ZNF385D: variants seen among roughly 807,000 people sequenced by gnomAD.
The protein encoded by ZNF385D is zinc finger protein 659.
ZNF385D carries 15 observed loss-of-function variants against 35.8 expected under a neutral mutation model. The ratio of observed to expected loss-of-function variants is 0.42; its 90% CI spans 0.28 to 0.64. The LOEUF (loss-of-function observed/expected upper bound fraction) is 0.64, where lower values mean the gene tolerates loss of function less well. Among genes scored for constraint, ZNF385D ranks in the 30% least tolerant of loss-of-function variants. ZNF385D has a pLI of 0.23. For synonymous variants in ZNF385D, 212 were observed against 186.8 expected, an observed-to-expected ratio of 1.13 and a Z score of -1.10; for missense variants, 474 against 494.6, an observed-to-expected ratio of 0.96 and a Z score of 0.39.
chr3:21,823,858 C>A (rs1390140305), intron 3 of ZNF385D, among the ~76,000 whole-genome samples: 1 of 152,178 alleles, frequency 6.6e-6, no homozygotes, highest in Non-Finnish European at 1.5e-5. Flanking sequence ...CCAAGGAGTT[C>A]CCATTGCTTA....
intron 1 of ZNF385D, among the ~76,000 whole-genome samples, chr3:21,719,730 G>A (rs1441842519): frequency 6.6e-6 from 1 of 151,894 alleles, no homozygotes; most frequent in Non-Finnish European, 1.5e-5. Flanking sequence ...CAGCCCGACT[G>A]GAACTCTCTC....
At chr3:21,561,349 G>T (rs116117509) in intron 3 of ZNF385D, among the ~76,000 whole-genome samples, 4 of 152,126 alleles carry the variant, frequency 2.6e-5, no homozygotes, top group African/African-American at 9.7e-5. Context: ...GGGCTGGAGC[G>T]CACAATTCCT....
chr3:22,063,214 T>C (rs1469897845), intron 3 of ZNF385D, among the ~76,000 whole-genome samples: 1 of 152,184 alleles, frequency 6.6e-6, no homozygotes, highest in Non-Finnish European at 1.5e-5. Context: ...AATGGGAATA[T>C]TATCTATTTC....
At chr3:21,942,983 C>T (rs889549447) in intron 3 of ZNF385D, among the ~76,000 whole-genome samples, 2 of 152,136 alleles carry the variant, frequency 1.3e-5, no homozygotes, top group African/African-American at 4.8e-5. Context: ...ACACTGGAAT[C>T]TTCATGACAA....
chr3:22,344,177 GGTGT>G (rs571896117), intron 2 of ZNF385D, among the ~76,000 whole-genome samples: 67 of 140,828 alleles, frequency 4.8e-4, no homozygotes, highest in South Asian at 3.9e-3. Context: ...GGTGGGGTGG[GGTGT>G]GTGTGTGTGT....
At chr3:22,243,027 G>A (rs1158673005) in intron 2 of ZNF385D, among the ~76,000 whole-genome samples, 1 of 150,962 alleles carries the variant, frequency 6.6e-6, no homozygotes, top group South Asian at 2.2e-4. Flanking sequence ...AAATAACACA[G>A]TAGATAAATT....
chr3:22,262,572 G>C (rs944058322), intron 2 of ZNF385D, among the ~76,000 whole-genome samples: 1 of 151,368 alleles, frequency 6.6e-6, no homozygotes, highest in Non-Finnish European at 1.5e-5. Flanking sequence ...GTTTCATGTC[G>C]TCCAGTCTTA....
chr3:21,790,176 C>G (rs17009592), intron 3 of ZNF385D, among the ~76,000 whole-genome samples: 8,380 of 151,978 alleles, frequency 0.055, 505 homozygotes, highest in East Asian at 0.32. Context: ...AGGAAGAAGT[C>G]TCGGGGGACA....
chr3:21,681,316 A>AAAAAAAAAC (rs1553636421), intron 1 of ZNF385D, among the ~76,000 whole-genome samples: 5 of 141,676 alleles, frequency 3.5e-5, no homozygotes, highest in African/African-American at 5.0e-5. Context: ...AAAAAAAAAA[A>AAAAAAAAAC]AAAAAAAACC....
At chr3:21,842,020 T>C (rs1695714501) in intron 3 of ZNF385D, among the ~76,000 whole-genome samples, 1 of 151,754 alleles carries the variant, frequency 6.6e-6, no homozygotes, top group East Asian at 1.9e-4. Context: ...TAAAATGGAA[T>C]ATATAATTGA....
intron 3 of ZNF385D, among the ~76,000 whole-genome samples, chr3:21,981,270 T>C (rs1052422286): frequency 3.9e-5 from 6 of 152,202 alleles, no homozygotes; most frequent in African/African-American, 1.4e-4. Flanking sequence ...CTGACTGGTA[T>C]AAGATGGTAA....
chr3:22,348,133 G>A (rs1170463658), intron 2 of ZNF385D, among the ~76,000 whole-genome samples: 1 of 152,020 alleles, frequency 6.6e-6, no homozygotes, highest in Non-Finnish European at 1.5e-5. Flanking sequence ...GAGAAAACAG[G>A]CAAATAGTGA....
At chr3:21,651,287 C>CAAA (rs71044931) in intron 2 of ZNF385D, among the ~76,000 whole-genome samples, 8 of 80,116 alleles carry the variant, frequency 1.0e-4, no homozygotes, top group African/African-American at 2.1e-4. Flanking sequence ...GACTTCATCT[C>CAAA]AAAAAAAAAA....
chr3:21,862,802 T>C (rs1427049121), intron 3 of ZNF385D, among the ~76,000 whole-genome samples: 1 of 152,104 alleles, frequency 6.6e-6, no homozygotes, highest in Non-Finnish European at 1.5e-5. Flanking sequence ...TCTGAGATTG[T>C]TTTGCCAACA....
chr3:22,218,524 C>T (rs1350973422), intron 2 of ZNF385D, among the ~76,000 whole-genome samples: 2 of 151,802 alleles, frequency 1.3e-5, no homozygotes, highest in Non-Finnish European at 2.9e-5. Flanking sequence ...ACTGTATCTG[C>T]GATAATGGCA....
chr3:22,214,932 C>T (rs901456524), intron 2 of ZNF385D, among the ~76,000 whole-genome samples: 1 of 151,936 alleles, frequency 6.6e-6, no homozygotes, highest in Non-Finnish European at 1.5e-5. Context: ...ACACACCCTC[C>T]CCTTTTGAAA....
Position 21,664,922 on chromosome 3 carries a change from A to T in ZNF385D, c.129T>A (p.Thr43=). The stretch of plus-strand genomic sequence containing the variant: ...TGGGGAAGAGGTTGACTGCAGCTGC[A>T]GTGTCAAGAGGAAAGGGAAGAAATG... ...IKPFLPFPLD[T]AAAVNLFPNF... Residue 43 remains threonine (T), a synonymous_variant, in exon 2 of 8, where the codon ACT becomes ACA. Transcript: ENST00000281523. 1 of 1,613,790 alleles carries T rather than the reference A, an allele frequency of 6.2e-7. No homozygotes were observed. The highest frequency in any genetic ancestry group is 8.5e-7 in the Non-Finnish European group (1 of 1,179,756).
chr3:21,542,540 T>C (rs1187944918), intron 3 of ZNF385D, among the ~76,000 whole-genome samples: 1 of 152,042 alleles, frequency 6.6e-6, no homozygotes, highest in Non-Finnish European at 1.5e-5. Flanking sequence ...GGAGAGATAG[T>C]CTTGCTGTGT....
intron 3 of ZNF385D, among the ~76,000 whole-genome samples, chr3:21,524,930 A>T (rs1708132438): frequency 6.6e-6 from 1 of 152,096 alleles, no homozygotes; most frequent in Non-Finnish European, 1.5e-5. Context: ...ATCTAGAGAA[A>T]GGGAATTTAA....
Sources: gnomAD v4.1 joint callset for allele counts (sites outside exome capture counted in the v4.1 genomes callset) on GRCh38, gnomAD v4.1.1 for gene constraint, MANE v1.5 for transcripts, NCBI Gene and HGNC (gene_info 2026-07-23, HGNC 2026-07-21) for gene names.